DMRT1: variants seen among roughly 807,000 people sequenced by gnomAD.
The protein encoded by DMRT1 is doublesex and mab-3 related transcription factor 1, also known as doublesex- and mab-3-related transcription factor 1.
A neutral mutation model predicts 32.3 loss-of-function variants in DMRT1; 7 were observed. The observed-to-expected ratio is 0.22, with a 90% CI of 0.12 to 0.41. The LOEUF is 0.41. Ranked by LOEUF, DMRT1 falls within the 10% of genes least tolerant of loss-of-function variation. The pLI is 1.00. For missense variants in DMRT1, 625 were observed against 500.5 expected, an observed-to-expected ratio of 1.25 and a Z score of -2.37; for synonymous variants, 278 against 206.1, an observed-to-expected ratio of 1.35 and a Z score of -2.99.
rs544109815 is a variant in DMRT1, at chr9:920,561, G to A, written c.967+3654G>A. Among the ~76,000 whole-genome samples the A allele has an allele frequency of 1.6e-3, 238 of 152,334 alleles. 1 individual carries two copies. Among genetic ancestry groups the A allele is most frequent in the African/African-American group, 5.6e-3 (231 of 41,574 alleles). ...CCTGCGTATTCAGGAGTGCATGGGAGAGAAGAATTGGTGCAGTGAATACAG... is the reference window on the plus strand; with the variant it reads ...CCTGCGTATTCAGGAGTGCATGGGAAAGAAGAATTGGTGCAGTGAATACAG... On this transcript the variant is annotated intron_variant, in intron 4 of 4. Coordinates refer to ENST00000382276, the MANE Select transcript of DMRT1 (RefSeq NM_021951.3).
At chr9:844,411 C>A (rs1293285930) in intron 1 of DMRT1, among the ~76,000 whole-genome samples, 1 of 152,078 alleles carries the variant, frequency 6.6e-6, no homozygotes, top group Non-Finnish European at 1.5e-5. Context: ...AGAGAAGGTC[C>A]TTAGCATATG....
chr9:896,777 T>C (rs912246528), intron 3 of DMRT1, among the ~76,000 whole-genome samples: 17 of 151,868 alleles, frequency 1.1e-4, no homozygotes, highest in Non-Finnish European at 1.9e-4. Flanking sequence ...CGCGCCATTG[T>C]ACTCCAGCCT....
At chr9:899,645 C>A (rs1229791716) in intron 3 of DMRT1, among the ~76,000 whole-genome samples, 2 of 152,244 alleles carry the variant, frequency 1.3e-5, no homozygotes, top group East Asian at 3.8e-4. Flanking sequence ...CGCTGACCAG[C>A]AGCTCAATTT....
At chr9:866,991 T>C (rs1035283319) in intron 2 of DMRT1, among the ~76,000 whole-genome samples, 1 of 152,154 alleles carries the variant, frequency 6.6e-6, no homozygotes, top group Non-Finnish European at 1.5e-5. Context: ...TTTGTTTTTT[T>C]CTAAAAGATG....
Position 965,023 on chromosome 9 carries a change from A to C in DMRT1, c.968-2962A>C, listed in dbSNP as rs1406015413. 6.6e-6 allele frequency among the ~76,000 whole-genome samples: 1 copy of C among 152,202 alleles called. No homozygotes were observed. Among genetic ancestry groups the C allele is most frequent in the Non-Finnish European group, 1.5e-5 (1 of 68,034 alleles). ...CATCATTTAGATTTTTGAATTTTTA[A>C]TTGGTATGAAATAATTTACAACGGT... On this transcript the variant is annotated intron_variant, in intron 4 of 4. Coordinates refer to ENST00000382276, the MANE Select transcript of DMRT1 (RefSeq NM_021951.3). The surrounding 1 kb of genome is among the most constrained non-coding windows in gnomAD (Gnocchi z 4.5).
chr9:865,271 C>T (rs1815930671), intron 2 of DMRT1, among the ~76,000 whole-genome samples: 1 of 152,154 alleles, frequency 6.6e-6, no homozygotes, highest in African/African-American at 2.4e-5. Context: ...AACCTAAGAT[C>T]TGGAGTCAAA....
At chr9:883,686 G>T (rs557078514) in intron 2 of DMRT1, among the ~76,000 whole-genome samples, 1 of 151,678 alleles carries the variant, frequency 6.6e-6, no homozygotes, top group Non-Finnish European at 1.5e-5. Context: ...CAGATACTTG[G>T]GAGGCAGAGA....
intron 2 of DMRT1, among the ~76,000 whole-genome samples, chr9:877,138 G>A (rs1312851474): frequency 6.6e-6 from 1 of 152,210 alleles, no homozygotes; most frequent in African/African-American, 2.4e-5. Context: ...ATTCTCTGTG[G>A]TTCACCTTCC....
chr9:897,127 T>TATTA (rs1817400788), intron 3 of DMRT1, among the ~76,000 whole-genome samples: 1 of 149,200 alleles, frequency 6.7e-6, no homozygotes, highest in African/African-American at 2.5e-5. Flanking sequence ...TTATTATTAT[T>TATTA]TTTGAGACAG....
chr9:959,687 C>A (rs930796041), intron 4 of DMRT1, among the ~76,000 whole-genome samples: 1 of 150,734 alleles, frequency 6.6e-6, no homozygotes. Context: ...GCTACTATGC[C>A]CGGCTAATTT....
chr9:854,531 G>A (rs1815306167), intron 2 of DMRT1, among the ~76,000 whole-genome samples: 1 of 152,096 alleles, frequency 6.6e-6, no homozygotes, highest in Non-Finnish European at 1.5e-5. Flanking sequence ...ATGTTGTAAA[G>A]AAGGAAATAC....
intron 3 of DMRT1, among the ~76,000 whole-genome samples, chr9:899,810 G>A (rs1356606453): frequency 1.3e-5 from 2 of 152,244 alleles, no homozygotes; most frequent in Non-Finnish European, 1.5e-5. Context: ...TCTGAGCTAT[G>A]CCTCGGATCT....
chr9:881,124 T>G (rs1010031197), intron 2 of DMRT1, among the ~76,000 whole-genome samples: 6 of 151,980 alleles, frequency 3.9e-5, no homozygotes, highest in Non-Finnish European at 7.4e-5. Flanking sequence ...CCCCACCTCC[T>G]CCTCCTGTGC....
chr9:891,958 C>T (rs975536273), intron 2 of DMRT1, among the ~76,000 whole-genome samples: 32 of 152,176 alleles, frequency 2.1e-4, no homozygotes, highest in African/African-American at 6.0e-4. Flanking sequence ...GTGGTGTGCC[C>T]GGAGGCTGGG....
chr9:850,559 A>T (rs910418584), intron 2 of DMRT1, among the ~76,000 whole-genome samples: 1 of 152,232 alleles, frequency 6.6e-6, no homozygotes, highest in African/African-American at 2.4e-5. Flanking sequence ...TCTGTTTGTC[A>T]TTCCAGGATG....
chr9:910,761 G>T (rs900779320), intron 3 of DMRT1, among the ~76,000 whole-genome samples: 1 of 151,998 alleles, frequency 6.6e-6, no homozygotes, highest in African/African-American at 2.4e-5. Flanking sequence ...GTCGTACTCT[G>T]GTTCAGAGAC....
rs56390211 is a variant in DMRT1 at position 871,499 on chromosome 9, ATTTTTTT to A, written c.539-22396_539-22390del. Reference sequence around the variant, plus strand: ...AGGCATGCGCCACCACGCCCGGCTAATTTTTTTTTTTTTTTTTTTTTTTGGTAGAGAC... The same window carrying A: ...AGGCATGCGCCACCACGCCCGGCTAATTTTTTTTTTTTTTTTGGTAGAGAC... On this transcript the variant is annotated intron_variant, in intron 2 of 4. Coordinates refer to ENST00000382276, the MANE Select transcript of DMRT1 (RefSeq NM_021951.3). 4.3e-4 allele frequency among the ~76,000 whole-genome samples: 49 copies of A among 115,082 alleles called. 1 individual carries two copies. The highest frequency in any genetic ancestry group is 2.0e-3 in the South Asian group (7 of 3,478). The allele number at this position is 115,082 out of a possible 152,430, so 75.5% of individuals were successfully genotyped here. A position where few individuals can be genotyped will look rare whatever the true frequency, so the allele number is the denominator to read the frequency against.
At position 968,174 on chromosome 9, in the gene DMRT1, T is replaced by TAACA. The variant is rs1448205088; in HGVS notation, c.*36_*39dup. On this transcript the variant is annotated 3_prime_UTR_variant, in exon 5 of 5. Coordinates refer to ENST00000382276, the MANE Select transcript of DMRT1 (RefSeq NM_021951.3). Reference sequence around the variant, plus strand: ...GCTGCCGATGGCGGTTCACTTGGAGTAACAGGCTTATTCCACTTTCCATGG... The same window carrying TAACA: ...GCTGCCGATGGCGGTTCACTTGGAGTAACAAACAGGCTTATTCCACTTTCCATGG... 9 of 1,612,436 alleles carry TAACA rather than the reference T, an allele frequency of 5.6e-6. No individual in the cohort carries two copies. Among genetic ancestry groups the TAACA allele is most frequent in the Non-Finnish European group, 6.8e-6 (8 of 1,179,584 alleles).
intron 4 of DMRT1, among the ~76,000 whole-genome samples, chr9:939,124 C>T (rs112276676): frequency 0.015 from 2,252 of 152,358 alleles, 62 homozygotes; most frequent in African/African-American, 0.051. Context: ...CCCTAAGAAT[C>T]CTCTTCGTTT....
Sources: gnomAD v4.1 joint callset for allele counts (sites outside exome capture counted in the v4.1 genomes callset) on GRCh38, gnomAD v4.1.1 for gene constraint, Gnocchi (gnomAD v3.1) non-coding constraint, MANE v1.5 for transcripts, NCBI Gene and HGNC (gene_info 2026-07-23, HGNC 2026-07-21) for gene names.